CACNA1B: variants seen among roughly 807,000 people sequenced by gnomAD.
CACNA1B encodes voltage-dependent N-type calcium channel subunit alpha-1B.
Under a neutral mutation model 247.2 loss-of-function variants are expected in CACNA1B, and 70 were observed. The ratio of observed to expected loss-of-function variants is 0.28; its 90% CI spans 0.23 to 0.35. The LOEUF is 0.35. CACNA1B is among the 10% of genes least tolerant of loss of function. The pLI is 1.00. For missense variants in CACNA1B, 2,367 were observed against 3,197.4 expected, an observed-to-expected ratio of 0.74 and a Z score of 6.26; for synonymous variants, 1,231 against 1,294.4, an observed-to-expected ratio of 0.95 and a Z score of 1.05.
intron 6 of CACNA1B, among the ~76,000 whole-genome samples, chr9:137,920,252 G>A (rs117878285): frequency 0.027 from 4,104 of 152,138 alleles, 75 homozygotes; most frequent in South Asian, 0.07. Context: ...GCTGGAATGC[G>A]ATGGCACGAT....
intron 36 of CACNA1B, among the ~76,000 whole-genome samples, chr9:138,096,146 C>T (rs533167821): frequency 6.6e-6 from 1 of 152,070 alleles, no homozygotes; most frequent in African/African-American, 2.4e-5. Context: ...ATTGTTGGCC[C>T]GTAGAGTCCA....
chr9:138,047,642 CT>C (rs1188146682), intron 23 of CACNA1B, among the ~76,000 whole-genome samples, 184 bp downstream of exon 23: 1 of 152,234 alleles, frequency 6.6e-6, no homozygotes, highest in East Asian at 1.9e-4. Flanking sequence ...TTGTCGTTCA[CT>C]GAGAAAATTA....
chr9:137,979,605 C>T (rs1181325214), intron 12 of CACNA1B, among the ~76,000 whole-genome samples: 1 of 152,138 alleles, frequency 6.6e-6, no homozygotes, highest in Non-Finnish European at 1.5e-5. Flanking sequence ...ATCGAAGAGG[C>T]TGCTTGCCAC....
rs1226348140 is a variant in CACNA1B, at chr9:138,059,010, A to T, written c.4474-69A>T. On this transcript the variant is annotated intron_variant, in intron 29 of 46. Transcript: ENST00000371372. The surrounding 1 kb of genome is among the most constrained non-coding windows in gnomAD (Gnocchi z 4.2). Reference sequence around the variant, plus strand: ...TTCTGTCTGCCCGCTTTGCTTGGTCATAGTGGTCCCAGATGGGGTGTCTTG... The same window carrying T: ...TTCTGTCTGCCCGCTTTGCTTGGTCTTAGTGGTCCCAGATGGGGTGTCTTG... 2.1e-6 allele frequency: 2 copies of T among 934,346 alleles called. No individual in the cohort carries two copies. Among genetic ancestry groups the T allele is most frequent in the Non-Finnish European group, 3.5e-6 (2 of 578,064 alleles). 57.9% of individuals were successfully genotyped at this position (934,346 alleles called of 1,614,324 possible).
At chr9:138,082,366 A>T (rs539937535) in intron 36 of CACNA1B, among the ~76,000 whole-genome samples, 1 of 151,534 alleles carries the variant, frequency 6.6e-6, no homozygotes, top group Admixed American at 6.6e-5. Context: ...GAGTAGGCTC[A>T]GAGACTCCAA....
intron 26 of CACNA1B, among the ~76,000 whole-genome samples, chr9:138,056,968 C>T (rs1959526521): frequency 7.3e-6 from 1 of 136,094 alleles, no homozygotes. Flanking sequence ...CGGAGTCTCG[C>T]TCTGTTGCCC....
chr9:138,071,048 G>T (rs1175786369), intron 32 of CACNA1B, among the ~76,000 whole-genome samples: 1 of 152,262 alleles, frequency 6.6e-6, no homozygotes, highest in Non-Finnish European at 1.5e-5. Context: ...GGGGATGCTG[G>T]TCTTGGTCCA....
rs1589129465 is a variant in CACNA1B at position 138,102,659 on chromosome 9, C to T, written c.5223-52C>T. 9.5e-7 allele frequency: 1 copy of T among 1,050,756 alleles called. No homozygotes were observed. The highest frequency in any genetic ancestry group is 1.9e-5 in the Admixed American group (1 of 51,606). 65.1% of individuals were successfully genotyped at this position (1,050,756 alleles called of 1,614,324 possible). A position where few individuals can be genotyped will look rare whatever the true frequency, so the allele number is the denominator to read the frequency against. ...TCCCCGCTCCCCTCCTGCTGCCGCT[C>T]CTCCTGTGGACCACCCCACTGTGCC... is the stretch of plus-strand genomic sequence containing the variant. On this transcript the variant is annotated intron_variant, in intron 37 of 46. Coordinates refer to ENST00000371372, the MANE Select transcript of CACNA1B (RefSeq NM_000718.4). The surrounding 1 kb of genome is among the most constrained non-coding windows in gnomAD (Gnocchi z 5.4).
chr9:138,094,497 A>G (rs928201693), intron 36 of CACNA1B, among the ~76,000 whole-genome samples: 1 of 151,786 alleles, frequency 6.6e-6, no homozygotes, highest in East Asian at 1.9e-4. Context: ...AACTTCTCCC[A>G]AATATACAAG....
At chr9:137,980,251 A>T (rs1242485418) in intron 12 of CACNA1B, among the ~76,000 whole-genome samples, 1 of 152,144 alleles carries the variant, frequency 6.6e-6, no homozygotes, top group East Asian at 1.9e-4. Flanking sequence ...ATTAGAAAAA[A>T]GCTCTACCCA....
In CACNA1B at chr9:138,043,833, G is replaced by C; in HGVS notation, c.3346G>C (p.Val1116Leu). Residue 1116 changes from valine to leucine, a missense_variant, in exon 21 of 47, where the codon GTG becomes CTG. Physicochemically the swap from Val to Leu is conservative, Grantham distance 32 (BLOSUM62 1). Around this residue, in one of 12 missense-constraint regions of CACNA1B, gnomAD observed 631 missense variants for 631.1 expected, o/e 1.00. Transcript: ENST00000371372. The stretch of plus-strand genomic sequence containing the variant: ...GAAGAAGGAGGTGGAAGCGGATGAC[G>C]TGATGAGGAGCGGCCCCCGGCCTAT... Reference protein sequence around the residue: ...EGKKEVEADDVMRSGPRPIVP... With the variant: ...EGKKEVEADDLMRSGPRPIVP... 6.2e-7 allele frequency: 1 copy of C among 1,613,986 alleles called. No homozygotes were observed. The highest frequency in any genetic ancestry group is 8.5e-7 in the Non-Finnish European group (1 of 1,179,874).
rs1956922159 is a variant in CACNA1B, at chr9:137,881,609, C to A, written c.391-1135C>A. On this transcript the variant is annotated intron_variant, in intron 2 of 46. Transcript: ENST00000371372. The surrounding 1 kb of genome is among the most constrained non-coding windows in gnomAD (Gnocchi z 4.3). ...AGCCCTGGAGTGCAGGTGTCCGACA[C>A]CCCCATGCCAACCCTGCACATGCAG... Among the ~76,000 whole-genome samples, 4 of 152,218 alleles carry A rather than the reference C, an allele frequency of 2.6e-5. No individual in the cohort carries two copies. The South Asian group carries it at 6.2e-4, about 24-fold the overall frequency.
chr9:138,021,350 C>CA (rs1958842914), intron 18 of CACNA1B, among the ~76,000 whole-genome samples: 1 of 152,236 alleles, frequency 6.6e-6, no homozygotes, highest in Non-Finnish European at 1.5e-5. Flanking sequence ...GAGACACAGA[C>CA]ACCACACTTC....
intron 21 of CACNA1B, 87 bp downstream of exon 21, chr9:138,043,987 A>AT: frequency 6.9e-7 from 1 of 1,442,172 alleles, no homozygotes; most frequent in African/African-American, 2.4e-5. Flanking sequence ...GCGTGCACTG[A>AT]TTCTGCGCAC....
At chr9:138,044,956 T>C (rs1959170231) in intron 21 of CACNA1B, among the ~76,000 whole-genome samples, 2 of 151,944 alleles carry the variant, frequency 1.3e-5, no homozygotes. Flanking sequence ...GACAGTGCAG[T>C]GGCAGGTGAG....
At chr9:138,084,670 C>A (rs1960635065) in intron 36 of CACNA1B, among the ~76,000 whole-genome samples, 1 of 151,170 alleles carries the variant, frequency 6.6e-6, no homozygotes, top group Non-Finnish European at 1.5e-5. Flanking sequence ...GCAAGGAAAT[C>A]ACCAGGTGTG....
At chr9:137,970,547 C>A (rs1468259432) in intron 10 of CACNA1B, among the ~76,000 whole-genome samples, 1 of 152,186 alleles carries the variant, frequency 6.6e-6, no homozygotes, top group African/African-American at 2.4e-5. Context: ...AACAATAAAA[C>A]ACAGTGACAG....
chr9:137,944,943 T>G (rs1344386138), intron 6 of CACNA1B, among the ~76,000 whole-genome samples: 1 of 152,184 alleles, frequency 6.6e-6, no homozygotes, highest in African/African-American at 2.4e-5. Context: ...AAGGGGGTCA[T>G]CTACAATATC....
At position 138,070,735 on chromosome 9, in the gene CACNA1B, G is replaced by A. The variant is rs555211552; in HGVS notation, c.4674+972G>A. Among the ~76,000 whole-genome samples the A allele has an allele frequency of 2.5e-4, 38 of 152,318 alleles. 1 individual carries two copies. In the East Asian group the frequency reaches 2.5e-3, roughly 10 times the overall value. On this transcript the variant is annotated intron_variant, in intron 32 of 46. Transcript: ENST00000371372. ...CGTGCCAGTCAGGCCTCTGCTCAGC[G>A]TCACCTCCTCAGAGAGCCCTTCCCC...
Sources: gnomAD v4.1 joint callset for allele counts (sites outside exome capture counted in the v4.1 genomes callset) on GRCh38, gnomAD v4.1.1 for gene constraint, gnomAD v4.1.1 regional missense constraint, Gnocchi (gnomAD v3.1) non-coding constraint, MANE v1.5 for transcripts, NCBI Gene and HGNC (gene_info 2026-07-23, HGNC 2026-07-21) for gene names.